FANCC: variants seen among roughly 807,000 people sequenced by gnomAD.
FANCC encodes FA complementation group C, also known as Fanconi anemia group C protein.
FANCC carries 55 observed loss-of-function variants against 71.3 expected under a neutral mutation model. The observed-to-expected ratio is 0.77, with a 90% CI of 0.62 to 0.97. The LOEUF (loss-of-function observed/expected upper bound fraction) is 0.97. Ranked by LOEUF, FANCC falls within the 50% of genes least tolerant of loss-of-function variation. FANCC has a pLI of 0.00. For missense variants in FANCC, 678 were observed against 670.9 expected (o/e 1.01, Z -0.12); for synonymous variants, 275 against 244.9 (o/e 1.12, Z -1.15).
intron 8 of FANCC, among the ~76,000 whole-genome samples, chr9:95,128,463 T>C (rs1476240255): frequency 6.6e-6 from 1 of 152,248 alleles, no homozygotes; most frequent in Non-Finnish European, 1.5e-5. Context: ...ATGGTCAAAC[T>C]ATCCCAGAGC....
intron 8 of FANCC, among the ~76,000 whole-genome samples, chr9:95,130,357 A>C (rs1211631405): frequency 6.6e-6 from 1 of 152,132 alleles, no homozygotes; most frequent in Non-Finnish European, 1.5e-5. Context: ...AAACAAACCA[A>C]AAAGGGAAAT....
At chr9:95,130,469 T>C (rs1163143922) in intron 8 of FANCC, among the ~76,000 whole-genome samples, 1 of 152,256 alleles carries the variant, frequency 6.6e-6, no homozygotes, top group African/African-American at 2.4e-5. Flanking sequence ...GCTTTCCATC[T>C]ATCACCTTTC....
At chr9:95,124,449 C>G (rs1043437128) in intron 10 of FANCC, among the ~76,000 whole-genome samples, 11 of 152,192 alleles carry the variant, frequency 7.2e-5, no homozygotes, top group African/African-American at 2.7e-4. Flanking sequence ...TGTTGCCCAG[C>G]CTCTGCTGCT....
chr9:95,149,370 A>C (rs1397787323), intron 7 of FANCC, among the ~76,000 whole-genome samples: 1 of 152,160 alleles, frequency 6.6e-6, no homozygotes, highest in Non-Finnish European at 1.5e-5. Context: ...AATAATATGT[A>C]CAACAAAACC....
chr9:95,174,076 T>A (rs1159454273), intron 4 of FANCC, among the ~76,000 whole-genome samples: 1 of 152,216 alleles, frequency 6.6e-6, no homozygotes, highest in Non-Finnish European at 1.5e-5. Context: ...TCTGTGCTGC[T>A]ATGGCAAAGT....
chr9:95,118,271 G>A (rs998820620), intron 10 of FANCC, among the ~76,000 whole-genome samples: 2 of 152,132 alleles, frequency 1.3e-5, no homozygotes, highest in African/African-American at 4.8e-5. Flanking sequence ...CACCTGCCTC[G>A]GCCTCCCAAA....
At chr9:95,295,963 T>C (rs1171530361) in intron 1 of FANCC, among the ~76,000 whole-genome samples, 3 of 152,150 alleles carry the variant, frequency 2.0e-5, no homozygotes, top group Non-Finnish European at 4.4e-5. Context: ...GAGTAGAGCT[T>C]ATATTAAGTG....
At chr9:95,195,828 T>C (rs1018840033) in intron 4 of FANCC, among the ~76,000 whole-genome samples, 2 of 152,240 alleles carry the variant, frequency 1.3e-5, no homozygotes, top group African/African-American at 4.8e-5. Context: ...TCCCATTTTG[T>C]TATGTATATA....
intron 1 of FANCC, chr9:95,294,487 C>T (rs1834254853): frequency 1.3e-6 from 2 of 1,590,772 alleles, no homozygotes; most frequent in Non-Finnish European, 8.6e-7. Flanking sequence ...CAGTAGCCCT[C>T]ATCTGCCTCT....
chr9:95,122,674 A>G (rs2072979476), intron 10 of FANCC, among the ~76,000 whole-genome samples: 1 of 152,208 alleles, frequency 6.6e-6, no homozygotes, highest in African/African-American at 2.4e-5. Context: ...CACGGCCAAC[A>G]TAGAGGCTGA....
At chr9:95,117,058 A>G (rs182167455) in intron 11 of FANCC, among the ~76,000 whole-genome samples, 1 of 152,354 alleles carries the variant, frequency 6.6e-6, no homozygotes, top group East Asian at 1.9e-4. Context: ...ATCTGGAGGC[A>G]GACTAGCAAC....
Position 95,189,116 on chromosome 9 carries a change from G to A in FANCC, c.346-16969C>T, listed in dbSNP as rs546805402. ...CAAATTTATTCCCATCCCTTTTGCA[G>A]TTTTACATCCACAGCCAAAACAAAT... is the stretch of plus-strand genomic sequence containing the variant. On this transcript the variant is annotated intron_variant, in intron 4 of 14. Transcript: ENST00000289081. Among the ~76,000 whole-genome samples, 152 of 151,938 alleles carry A rather than the reference G, an allele frequency of 1.0e-3. 3 individuals carry two copies. Among genetic ancestry groups the A allele is most frequent in the Middle Eastern group, 6.9e-3 (2 of 290 alleles).
chr9:95,308,708 A>G (rs1835210737), intron 1 of FANCC, among the ~76,000 whole-genome samples: 1 of 152,238 alleles, frequency 6.6e-6, no homozygotes, highest in African/African-American at 2.4e-5. Flanking sequence ...AACCAAAAAG[A>G]CAGTACAATT....
At chr9:95,254,073 G>A (rs1274663678) in intron 1 of FANCC, among the ~76,000 whole-genome samples, 1 of 152,138 alleles carries the variant, frequency 6.6e-6, no homozygotes, top group Non-Finnish European at 1.5e-5. Context: ...CCGGGGCTTG[G>A]GGAACCCTGC....
At chr9:95,106,055 A>G (rs1393350147) in intron 14 of FANCC, among the ~76,000 whole-genome samples, 1 of 152,174 alleles carries the variant, frequency 6.6e-6, no homozygotes, top group Non-Finnish European at 1.5e-5. Context: ...TCTTCTCCAC[A>G]GTAGCTGCAC....
intron 4 of FANCC, among the ~76,000 whole-genome samples, chr9:95,198,894 T>C (rs1029176898): frequency 1.3e-5 from 2 of 152,066 alleles, no homozygotes; most frequent in African/African-American, 4.8e-5. Context: ...TGCGCCAGCA[T>C]ACCTGGCTAA....
chr9:95,266,912 G>A (rs374324689), intron 1 of FANCC, among the ~76,000 whole-genome samples: 82 of 152,128 alleles, frequency 5.4e-4, no homozygotes, highest in African/African-American at 1.7e-3. Context: ...AAGATGGCAC[G>A]GTAAATTCAC....
At chr9:95,228,262 G>C (rs530026010) in intron 4 of FANCC, among the ~76,000 whole-genome samples, 23 of 152,252 alleles carry the variant, frequency 1.5e-4, no homozygotes, top group Middle Eastern at 6.8e-3. Flanking sequence ...CAACACTCTC[G>C]CAGCACTATT....
At chr9:95,160,050 T>C (rs1830657964) in intron 6 of FANCC, among the ~76,000 whole-genome samples, 1 of 152,238 alleles carries the variant, frequency 6.6e-6, no homozygotes. Flanking sequence ...CATTTGTCTA[T>C]TTTGGCTTTT....
Sources: allele counts gnomAD v4.1 joint callset (sites outside exome capture counted in the v4.1 genomes callset), GRCh38; gene constraint gnomAD v4.1.1; transcripts MANE v1.5; gene names NCBI Gene and HGNC (gene_info 2026-07-23, HGNC 2026-07-21).